The following TANC2 variants were observed in gnomAD, a reference collection of about 807,000 sequenced individuals.
TANC2 encodes tetratricopeptide repeat, ankyrin repeat and coiled-coil containing 2.
A neutral mutation model predicts 210.5 loss-of-function variants in TANC2; 26 were observed. The observed-to-expected ratio is 0.12, with a 90% CI of 0.09 to 0.17. TANC2 has a LOEUF of 0.17. Ranked by LOEUF, TANC2 falls within the 10% of genes least tolerant of loss-of-function variation. The pLI is 1.00. For synonymous variants in TANC2, 931 were observed against 967.1 expected (o/e 0.96, Z 0.69); for missense variants, 2,129 against 2,608.9 (o/e 0.82, Z 4.01).
intron 11 of TANC2, among the ~76,000 whole-genome samples, chr17:63,325,949 G>A (rs1416754817): frequency 1.3e-5 from 2 of 152,140 alleles, no homozygotes; most frequent in African/African-American, 4.8e-5. Context: ...TAAATTAGCC[G>A]CTTTTCTTTA....
chr17:63,352,534 A>ATTC (rs1317150492), intron 13 of TANC2, among the ~76,000 whole-genome samples: 1 of 152,176 alleles, frequency 6.6e-6, no homozygotes, highest in African/African-American at 2.4e-5. Flanking sequence ...AGATGAATGA[A>ATTC]AGAAACCTCC....
At chr17:63,201,419 A>T (rs2041530057) in intron 7 of TANC2, among the ~76,000 whole-genome samples, 1 of 152,074 alleles carries the variant, frequency 6.6e-6, no homozygotes, top group South Asian at 2.1e-4. Flanking sequence ...GCCCCTTTAG[A>T]CTTTGTTTTT....
chr17:63,202,197 T>C (rs549785357), intron 7 of TANC2, among the ~76,000 whole-genome samples: 1 of 152,256 alleles, frequency 6.6e-6, no homozygotes, highest in African/African-American at 2.4e-5. Context: ...CTAAAAAAAT[T>C]GCATTTCCTT....
At chr17:63,357,391 T>A (rs2046810586) in intron 14 of TANC2, among the ~76,000 whole-genome samples, 1 of 152,220 alleles carries the variant, frequency 6.6e-6, no homozygotes, top group Non-Finnish European at 1.5e-5. Context: ...CTTCTCAACA[T>A]CGCATTTTAA....
At position 63,420,018 on chromosome 17, in the gene TANC2, G is replaced by A. The variant is rs375384579; in HGVS notation, c.4288G>A (p.Glu1430Lys). The A allele has an allele frequency of 1.3e-6, 2 of 1,549,014 alleles. No individual in the cohort carries two copies. The highest frequency in any genetic ancestry group is 2.7e-5 in the African/African-American group (2 of 72,928). Residue 1430 changes from glutamate to lysine, a missense_variant, in exon 28 of 28, where the codon GAG (glutamate) becomes AAG (lysine). This residue lies in a region of TANC2 where 644 missense variants were observed against 937.5 expected (regional missense o/e 0.69). Transcript: ENST00000689528. This position sits in a 1 kb window ranked among gnomAD's most constrained non-coding sequence, Gnocchi z 4.2. ...AAGCAGACAGTTCGCAGCAGCCTTAGAGGACCTGAACGAGGCCATCAAGCT... is the reference window on the plus strand; with the variant it reads ...AAGCAGACAGTTCGCAGCAGCCTTAAAGGACCTGAACGAGGCCATCAAGCT...
At chr17:63,299,696 G>A (rs1319689914) in intron 9 of TANC2, among the ~76,000 whole-genome samples, 2 of 151,930 alleles carry the variant, frequency 1.3e-5, no homozygotes, top group African/African-American at 4.8e-5. Context: ...TTTGTCAGAT[G>A]GATCGATTGC....
intron 6 of TANC2, among the ~76,000 whole-genome samples, chr17:63,194,975 A>G (rs1201101646): frequency 6.6e-6 from 1 of 152,172 alleles, no homozygotes; most frequent in Non-Finnish European, 1.5e-5. Flanking sequence ...TTTATTCAGG[A>G]GATGACAAAT....
chr17:63,413,710 T>G, intron 25 of TANC2, 76 bp downstream of exon 25: 12 of 1,340,224 alleles, frequency 9.0e-6, no homozygotes, highest in Non-Finnish European at 1.2e-5. Flanking sequence ...TACAAAGTCT[T>G]GATAATTCTC....
intron 4 of TANC2, among the ~76,000 whole-genome samples, chr17:63,107,031 G>C (rs1009975689): frequency 1.3e-5 from 2 of 151,610 alleles, no homozygotes; most frequent in African/African-American, 4.9e-5. Flanking sequence ...TGAAGAGAGA[G>C]CCAAAATAAC....
chr17:63,039,916 T>C (rs2035118715), intron 2 of TANC2, among the ~76,000 whole-genome samples: 1 of 152,206 alleles, frequency 6.6e-6, no homozygotes, highest in Non-Finnish European at 1.5e-5. Flanking sequence ...TGTGTGTCTA[T>C]ATAGATAGGT....
chr17:63,091,513 A>G (rs1470842086), intron 3 of TANC2, among the ~76,000 whole-genome samples: 1 of 152,110 alleles, frequency 6.6e-6, no homozygotes, highest in Non-Finnish European at 1.5e-5. Context: ...CAAAGATCAG[A>G]TGGTTGTAGA....
At chr17:63,334,352 G>A (rs1258683222) in intron 11 of TANC2, among the ~76,000 whole-genome samples, 2 of 152,160 alleles carry the variant, frequency 1.3e-5, no homozygotes, top group Non-Finnish European at 2.9e-5. Flanking sequence ...CAGTCAACCT[G>A]AAGGAAATCC....
chr17:63,106,888 A>AT (rs1442722225), intron 4 of TANC2, among the ~76,000 whole-genome samples: 4 of 151,564 alleles, frequency 2.6e-5, no homozygotes, highest in Non-Finnish European at 5.9e-5. Flanking sequence ...TGTAGTGTTT[A>AT]TTTATAAAAG....
chr17:63,351,868 A>G (rs556764320), intron 13 of TANC2, among the ~76,000 whole-genome samples: 1 of 152,110 alleles, frequency 6.6e-6, no homozygotes, highest in African/African-American at 2.4e-5. Context: ...ACTTTCCTCT[A>G]TATCTGTCCT....
At position 63,356,450 on chromosome 17, in the gene TANC2, TAA is replaced by T. The variant is rs146480313; in HGVS notation, c.2582+1063_2582+1064del. Among the ~76,000 whole-genome samples the T allele has an allele frequency of 4.3e-3, 658 of 152,272 alleles. 6 individuals carry two copies. Among genetic ancestry groups the T allele is most frequent in the African/African-American group, 0.014 (573 of 41,554 alleles). On this transcript the variant is annotated intron_variant, in intron 14 of 27. Coordinates refer to ENST00000689528, the Ensembl canonical transcript of TANC2. ...CTCACATGTGACTCATCAGAAAGAA[TAA>T]AACTCTGTGTTCATGCTGGGGTTTT... is the stretch of plus-strand genomic sequence containing the variant.
At chr17:63,314,560 A>G (rs777331405) in exon 10 of TANC2, 4 of 1,613,956 alleles carry the variant, frequency 2.5e-6, no homozygotes, top group Non-Finnish European at 3.4e-6. Flanking sequence ...TGATTGTGGG[A>G]AACATTGGAT....
At chr17:63,182,139 C>T (rs1171644202) in intron 5 of TANC2, 1 of 153,186 alleles carries the variant, frequency 6.5e-6, no homozygotes. Flanking sequence ...TCATGTCCTC[C>T]AGCCTGTTCC....
intron 5 of TANC2, among the ~76,000 whole-genome samples, chr17:63,175,369 A>G (rs2040539682): frequency 6.6e-6 from 1 of 151,930 alleles, no homozygotes. Context: ...TCTAGAAAAA[A>G]TTTAAGAATT....
intron 8 of TANC2, among the ~76,000 whole-genome samples, chr17:63,252,146 TATAAG>T (rs1381323849): frequency 1.3e-5 from 2 of 152,152 alleles, no homozygotes; most frequent in African/African-American, 4.8e-5. Flanking sequence ...TACTCCACAG[TATAAG>T]ATCTCTCATA....
Sources: allele counts gnomAD v4.1 joint callset (sites outside exome capture counted in the v4.1 genomes callset), GRCh38; gene constraint gnomAD v4.1.1; regional missense constraint gnomAD v4.1.1; non-coding constraint Gnocchi (gnomAD v3.1); transcripts MANE v1.5; gene names NCBI Gene and HGNC (gene_info 2026-07-23, HGNC 2026-07-21).